The following CDH13 variants were observed in gnomAD, a reference collection of about 807,000 sequenced individuals.
CDH13 encodes the protein cadherin-13.
Under a neutral mutation model 63.8 loss-of-function variants are expected in CDH13, and 24 were observed. That is an observed-to-expected ratio of 0.38 (90% confidence interval 0.27 to 0.53). CDH13 has a LOEUF of 0.53. CDH13 is among the 20% of genes least tolerant of loss of function. The pLI, the probability that CDH13 is intolerant of heterozygous loss-of-function variation, is 0.85. For missense variants in CDH13, 1,049 were observed against 903.1 expected (o/e 1.16, Z -2.07); for synonymous variants, 503 against 355.3 (o/e 1.42, Z -4.67).
chr16:83,783,484 T>C lies in CDH13; in HGVS notation c.2134+12T>C. 1 of 1,604,910 alleles carries C rather than the reference T, an allele frequency of 6.2e-7. No individual in the cohort carries two copies. The highest frequency in any genetic ancestry group is 8.5e-7 in the Non-Finnish European group (1 of 1,171,864). ...CTTCAGCTTAGCTTGTAAGTTGACC[T>C]AACTCCAGTGCATGCACAAACAGGA... On this transcript the variant is annotated intron_variant, in intron 13 of 13. Transcript: ENST00000567109.
intron 5 of CDH13, among the ~76,000 whole-genome samples, chr16:83,263,119 C>G (rs1907181692): frequency 6.6e-6 from 1 of 152,158 alleles, no homozygotes; most frequent in South Asian, 2.1e-4. Flanking sequence ...GATGGATGGG[C>G]TGAGTGTGAT....
chr16:83,602,134 A>AAAAAAAAAAAAAAAAAC (rs1907896461), intron 7 of CDH13, among the ~76,000 whole-genome samples: 1 of 94,362 alleles, frequency 1.1e-5, no homozygotes, highest in Non-Finnish European at 2.0e-5. Context: ...AAAAAAAAAA[A>AAAAAAAAAAAAAAAAAC]AAAAAAAAAC....
At chr16:83,447,993 T>C (rs2072762165) in intron 6 of CDH13, among the ~76,000 whole-genome samples, 1 of 152,062 alleles carries the variant, frequency 6.6e-6, no homozygotes, top group Admixed American at 6.5e-5. Flanking sequence ...CAGAAGCCCC[T>C]TTGACTCCCA....
chr16:82,754,782 T>A (rs2034550072), intron 1 of CDH13, among the ~76,000 whole-genome samples: 1 of 152,228 alleles, frequency 6.6e-6, no homozygotes, highest in Admixed American at 6.5e-5. Context: ...AAAAGCCAAC[T>A]CATTTCATTT....
intron 6 of CDH13, among the ~76,000 whole-genome samples, chr16:83,376,252 A>C (rs761229133): frequency 4.6e-5 from 7 of 152,152 alleles, no homozygotes; most frequent in Non-Finnish European, 2.9e-5. Flanking sequence ...GCCCAGTTTA[A>C]GTCATGTGCC....
At chr16:83,238,988 G>A (rs185040972) in intron 5 of CDH13, among the ~76,000 whole-genome samples, 1 of 152,276 alleles carries the variant, frequency 6.6e-6, no homozygotes, top group East Asian at 1.9e-4. Context: ...GTCAAAGTCA[G>A]GCATTGCAAA....
intron 1 of CDH13, among the ~76,000 whole-genome samples, chr16:82,772,453 G>A (rs1378735364): frequency 2.0e-5 from 3 of 152,184 alleles, no homozygotes; most frequent in Non-Finnish European, 4.4e-5. Flanking sequence ...AGGCAGAGGT[G>A]TGTGAGAAAA....
At chr16:83,171,735 A>G (rs9923883) in intron 4 of CDH13, among the ~76,000 whole-genome samples, 2,541 of 152,242 alleles carry the variant, frequency 0.017, 88 homozygotes, top group African/African-American at 0.057. Context: ...TTTCTGAGGC[A>G]TGGAGTCCCA....
chr16:83,705,603 C>T (rs1240980734), intron 10 of CDH13, among the ~76,000 whole-genome samples: 2 of 152,134 alleles, frequency 1.3e-5, no homozygotes, highest in African/African-American at 4.8e-5. Context: ...GCGTGGGGGC[C>T]AGAGGGAGAC....
chr16:82,793,642 C>T (rs896674282), intron 1 of CDH13, among the ~76,000 whole-genome samples: 2 of 152,136 alleles, frequency 1.3e-5, no homozygotes, highest in Non-Finnish European at 2.9e-5. Context: ...GATATAGTAA[C>T]AGAGCAAACC....
chr16:82,814,080 G>A (rs1438780626), intron 1 of CDH13, among the ~76,000 whole-genome samples: 1 of 152,050 alleles, frequency 6.6e-6, no homozygotes, highest in African/African-American at 2.4e-5. Context: ...TTTGAGAGTG[G>A]ATATACCAAA....
intron 2 of CDH13, among the ~76,000 whole-genome samples, chr16:82,862,173 A>G (rs1048712143): frequency 2.0e-5 from 3 of 152,144 alleles, no homozygotes; most frequent in Non-Finnish European, 2.9e-5. Flanking sequence ...AAACACGACA[A>G]TTGTGTGATC....
At position 82,717,963 on chromosome 16, in the gene CDH13, C is replaced by G. The variant is rs564455936; in HGVS notation, c.45+90826C>G. On this transcript the variant is annotated intron_variant, in intron 1 of 13. Coordinates refer to ENST00000567109, the MANE Select transcript of CDH13 (RefSeq NM_001257.5). The stretch of plus-strand genomic sequence containing the variant: ...AATAAGATACTACTGCGAATGTCAC[C>G]CAATGAGACCTGACCCATTCTGTGT... 4.6e-5 allele frequency among the ~76,000 whole-genome samples: 7 copies of G among 152,266 alleles called. No homozygotes were observed. In the East Asian group the frequency reaches 1.4e-3, roughly 29 times the overall value.
chr16:83,518,205 C>T (rs183816696), intron 7 of CDH13, among the ~76,000 whole-genome samples: 209 of 150,230 alleles, frequency 1.4e-3, no homozygotes, highest in Non-Finnish European at 1.9e-3. Flanking sequence ...AGTGCAGTGG[C>T]GTGATCTTGG....
At chr16:82,954,420 A>G (rs11648843) in intron 2 of CDH13, 1 of 151,816 alleles carries the variant, frequency 6.6e-6, no homozygotes, top group Non-Finnish European at 1.5e-5. Context: ...TGAGCACACA[A>G]GAACAGTACC....
At chr16:82,993,539 A>C (rs1016698906) in intron 2 of CDH13, among the ~76,000 whole-genome samples, 1 of 152,164 alleles carries the variant, frequency 6.6e-6, no homozygotes, top group African/African-American at 2.4e-5. Context: ...ATTGTGAAGT[A>C]GCATTGGGCC....
At chr16:83,372,151 A>G (rs1191777120) in intron 6 of CDH13, among the ~76,000 whole-genome samples, 1 of 152,168 alleles carries the variant, frequency 6.6e-6, no homozygotes, top group South Asian at 2.1e-4. Context: ...ACTCATTCCC[A>G]GTTTGCAACA....
At chr16:83,159,984 G>T (rs369602636) in intron 4 of CDH13, among the ~76,000 whole-genome samples, 2 of 152,016 alleles carry the variant, frequency 1.3e-5, no homozygotes, top group African/African-American at 4.8e-5. Context: ...GCTGAGGCAC[G>T]AGAATTGCTT....
chr16:83,255,027 C>G (rs1156338092), intron 5 of CDH13, among the ~76,000 whole-genome samples: 1 of 120,242 alleles, frequency 8.3e-6, no homozygotes, highest in Admixed American at 9.0e-5. Context: ...TGCAGCTGAT[C>G]AGTGCTCCTC....
Sources: gnomAD v4.1 joint callset for allele counts (sites outside exome capture counted in the v4.1 genomes callset) on GRCh38, gnomAD v4.1.1 for gene constraint, MANE v1.5 for transcripts, NCBI Gene and HGNC (gene_info 2026-07-23, HGNC 2026-07-21) for gene names.